The following EYS variants were observed in gnomAD, a reference collection of about 807,000 sequenced individuals.
EYS encodes the protein EGF-like photoreceptor maintenance factor, also known as protein eyes shut homolog.
In EYS, 250 loss-of-function variants were observed where a neutral mutation model predicts 282.1. The ratio of observed to expected loss-of-function variants is 0.89; its 90% CI spans 0.80 to 0.98. The LOEUF (loss-of-function observed/expected upper bound fraction) is 0.98, where lower values mean the gene tolerates loss of function less well. Among genes scored for constraint, EYS ranks in the 50% least tolerant of loss-of-function variants. EYS has a pLI of 0.00. For synonymous variants in EYS, 1,355 were observed against 1,282.9 expected, an observed-to-expected ratio of 1.06 and a Z score of -1.20; for missense variants, 4,016 against 3,709.0, an observed-to-expected ratio of 1.08 and a Z score of -2.15.
intron 26 of EYS, among the ~76,000 whole-genome samples, chr6:64,566,778 A>G (rs1463284755): frequency 1.3e-5 from 2 of 151,938 alleles, no homozygotes; most frequent in Non-Finnish European, 1.5e-5. Context: ...TGATTCTAAT[A>G]TATATATATT....
chr6:63,828,200 A>G (rs1440920398), intron 36 of EYS, among the ~76,000 whole-genome samples: 2 of 152,194 alleles, frequency 1.3e-5, no homozygotes, highest in Non-Finnish European at 2.9e-5. Context: ...AACCGAACCC[A>G]AAACCAGCAG....
At chr6:63,803,335 C>A (rs148093878) in intron 37 of EYS, among the ~76,000 whole-genome samples, 104 of 150,686 alleles carry the variant, frequency 6.9e-4, no homozygotes, top group Middle Eastern at 3.4e-3. Flanking sequence ...AGTAGGAATT[C>A]TTTATTTCCC....
At chr6:64,606,484 G>A (rs1415534) in intron 24 of EYS, among the ~76,000 whole-genome samples, 84,215 of 151,722 alleles carry the variant, frequency 0.56, 23,471 homozygotes, top group South Asian at 0.65. Context: ...CTCCCTTGGA[G>A]TATTATTCTA....
At chr6:64,443,664 G>T (rs1582759444) in intron 26 of EYS, among the ~76,000 whole-genome samples, 1 of 152,202 alleles carries the variant, frequency 6.6e-6, no homozygotes, top group South Asian at 2.1e-4. Context: ...TCCAAGATCT[G>T]ATAGTTTTAA....
At chr6:65,513,644 A>G (rs1766991664) in intron 2 of EYS, among the ~76,000 whole-genome samples, 1 of 152,196 alleles carries the variant, frequency 6.6e-6, no homozygotes, top group African/African-American at 2.4e-5. Context: ...ATATATGCAA[A>G]TCAATAAATG....
chr6:65,007,883 A>G (rs766016721), intron 13 of EYS, among the ~76,000 whole-genome samples: 2 of 152,222 alleles, frequency 1.3e-5, no homozygotes, highest in African/African-American at 2.4e-5. Context: ...GAGTTAGGGC[A>G]ATCCTTTGAT....
At chr6:63,901,606 A>G (rs1773660999) in intron 35 of EYS, among the ~76,000 whole-genome samples, 1 of 152,236 alleles carries the variant, frequency 6.6e-6, no homozygotes, top group Admixed American at 6.5e-5. Context: ...TCCAAAGAAA[A>G]AAACTTGAAA....
chr6:65,087,399 T>A (rs1448328818), intron 12 of EYS, among the ~76,000 whole-genome samples: 1 of 152,148 alleles, frequency 6.6e-6, no homozygotes, highest in African/African-American at 2.4e-5. Context: ...CTTTTCTTAG[T>A]TTTCCTGTGT....
intron 22 of EYS, among the ~76,000 whole-genome samples, chr6:64,692,032 G>T (rs1188638771): frequency 2.0e-5 from 3 of 152,116 alleles, no homozygotes; most frequent in East Asian, 1.9e-4. Flanking sequence ...GAGATTGCTG[G>T]ATTGTATGGT....
chr6:64,268,048 T>C (rs1767817490), intron 30 of EYS, among the ~76,000 whole-genome samples: 2 of 152,124 alleles, frequency 1.3e-5, no homozygotes, highest in South Asian at 4.1e-4. Flanking sequence ...GCATATATAT[T>C]CAAATATATA....
intron 12 of EYS, among the ~76,000 whole-genome samples, chr6:65,236,925 G>T (rs1766940979): frequency 6.6e-6 from 1 of 152,226 alleles, no homozygotes; most frequent in African/African-American, 2.4e-5. Context: ...CTGCTTATGT[G>T]AGTGTTCAAA....
At chr6:64,124,742 T>C (rs1455517700) in intron 31 of EYS, among the ~76,000 whole-genome samples, 1 of 152,260 alleles carries the variant, frequency 6.6e-6, no homozygotes, top group African/African-American at 2.4e-5. Context: ...GGAAGAACCC[T>C]AATCATTGTA....
chr6:65,563,884 C>G (rs1033833052), intron 2 of EYS, among the ~76,000 whole-genome samples: 2 of 152,178 alleles, frequency 1.3e-5, no homozygotes, highest in Admixed American at 6.5e-5. Flanking sequence ...AAAACCCCAT[C>G]GTCTCAGCCC....
intron 31 of EYS, among the ~76,000 whole-genome samples, chr6:64,106,596 T>C (rs79683321): frequency 0.042 from 6,406 of 151,868 alleles, 397 homozygotes; most frequent in African/African-American, 0.14. Flanking sequence ...TTCTGCATTT[T>C]GAATATAATG....
At chr6:64,836,911 T>C (rs1223292070) in intron 19 of EYS, among the ~76,000 whole-genome samples, 2 of 151,640 alleles carry the variant, frequency 1.3e-5, no homozygotes, top group Non-Finnish European at 3.0e-5. Context: ...AATATATAAA[T>C]GTATAAACTA....
rs1562110043 is a variant in EYS, at chr6:65,344,156, T to C, written c.1481A>G (p.Gln494Arg). The C allele has an allele frequency of 1.2e-6, 2 of 1,610,190 alleles. No homozygotes were observed. Among genetic ancestry groups the C allele is most frequent in the Non-Finnish European group, 1.7e-6 (2 of 1,177,576 alleles). Reference protein sequence around the residue: ...GFAGSEGEKCQGVIDAYFFLA... With the variant: ...GFAGSEGEKCRGVIDAYFFLA... The stretch of plus-strand genomic sequence containing the variant: ...AAAGAAATAGGCATCAATAACCCCT[T>C]GGCACTTTTCGCCTTCAGATCCTTT... Residue 494 changes from glutamine (Q) to arginine (R), a missense_variant, in exon 10 of 43, where the codon CAA (glutamine) becomes CGA (arginine). Transcript: ENST00000503581.
intron 13 of EYS, among the ~76,000 whole-genome samples, chr6:65,035,639 C>T (rs746023872): frequency 1.4e-4 from 22 of 151,952 alleles, no homozygotes; most frequent in Non-Finnish European, 2.9e-4. Context: ...TTAAAAATTT[C>T]TACAATGAGA....
intron 22 of EYS, among the ~76,000 whole-genome samples, chr6:64,768,623 C>G (rs373858342): frequency 6.6e-6 from 1 of 152,118 alleles, no homozygotes; most frequent in Non-Finnish European, 1.5e-5. Context: ...TTCAGGGTAG[C>G]TCTCTGATAA....
At chr6:65,192,894 T>C (rs753771477) in intron 12 of EYS, among the ~76,000 whole-genome samples, 19 of 152,022 alleles carry the variant, frequency 1.2e-4, no homozygotes, top group Admixed American at 2.0e-4. Flanking sequence ...CATCACCTTA[T>C]GTATCATTTC....
Sources: allele counts gnomAD v4.1 joint callset (sites outside exome capture counted in the v4.1 genomes callset), GRCh38; gene constraint gnomAD v4.1.1; transcripts MANE v1.5; gene names NCBI Gene and HGNC (gene_info 2026-07-23, HGNC 2026-07-21).